Variants in SNPH observed in about 807,000 individuals in gnomAD.
SNPH encodes the protein syntaphilin.
In SNPH, 10 loss-of-function variants were observed where a neutral mutation model predicts 36.8. The ratio of observed to expected loss-of-function variants is 0.27; its 90% CI spans 0.17 to 0.46. SNPH has a LOEUF of 0.46. Among genes scored for constraint, SNPH ranks in the 20% least tolerant of loss-of-function variants. The pLI is 1.00. For synonymous variants in SNPH, 281 were observed against 312.2 expected, an observed-to-expected ratio of 0.90 and a Z score of 1.05; for missense variants, 622 against 744.0, an observed-to-expected ratio of 0.84 and a Z score of 1.91.
chr20:1,301,425 CCTATTGTGAGCTGG>C (rs2088508385), intron 6 of SNPH, among the ~76,000 whole-genome samples: 1 of 152,182 alleles, frequency 6.6e-6, no homozygotes, highest in South Asian at 2.1e-4. Context: ...AAACATGCAG[CCTATTGTGAGCTGG>C]CCAAGGTGCT....
Position 1,266,617 on chromosome 20 carries a change from A to G in SNPH, c.-599-37A>G. On this transcript the variant is annotated intron_variant, in intron 1 of 6. Transcript: ENST00000381867. This position sits in a 1 kb window ranked among gnomAD's most constrained non-coding sequence, Gnocchi z 6.0. ...GCCTGGGTGTTCCCCGCCCGCGCTC[A>G]CCCGCCCCGGTCTATCTCTTTTTCC... is the stretch of plus-strand genomic sequence containing the variant. 1 of 1,457,786 alleles carries G rather than the reference A, an allele frequency of 6.9e-7. No individual in the cohort carries two copies. The highest frequency in any genetic ancestry group is 9.0e-7 in the Non-Finnish European group (1 of 1,108,470). The allele number at this position is 1,457,786 out of a possible 1,614,324, so 90.3% of individuals were successfully genotyped here. A position where few individuals can be genotyped will look rare whatever the true frequency, so the allele number is the denominator to read the frequency against.
At chr20:1,300,410 T>TG in intron 5 of SNPH, 152 bp from the exon 6 acceptor site, 1 of 743,132 alleles carries the variant, frequency 1.3e-6, no homozygotes, top group Non-Finnish European at 2.2e-6. Context: ...TCCAGAAGGC[T>TG]GGGGGTTCTC....
rs79272903 is a variant in SNPH, at chr20:1,280,798, A to G, written c.-493+14038A>G. On this transcript the variant is annotated intron_variant, in intron 2 of 6. Coordinates refer to ENST00000381867, the MANE Select transcript of SNPH (RefSeq NM_001318234.2). ...GTCAGGTCATCTGTTTGGCTGCCTG[A>G]CTTCCCTCAGCAGGTGTTTACTAAG... Among the ~76,000 whole-genome samples, 1,107 of 152,270 alleles carry G rather than the reference A, an allele frequency of 7.3e-3. 13 individuals are homozygous for G. Among genetic ancestry groups the G allele is most frequent in the Non-Finnish European group, 9.4e-3 (638 of 68,018 alleles).
chr20:1,288,237 G>C (rs571164981), intron 2 of SNPH, among the ~76,000 whole-genome samples: 33 of 152,242 alleles, frequency 2.2e-4, no homozygotes, highest in Non-Finnish European at 3.7e-4. Context: ...AGGTAATAGT[G>C]ATAGCAAGAA....
rs980281297 is a variant in SNPH at position 1,307,366 on chromosome 20, T to A, written c.*1312T>A. The stretch of plus-strand genomic sequence containing the variant: ...CCCAAGGCCAGTCGGCCTGGGAAGT[T>A]CACTGCCCCAACTCTTTTCCCGGGA... On this transcript the variant is annotated 3_prime_UTR_variant, in exon 7 of 7. Coordinates refer to ENST00000381867, the MANE Select transcript of SNPH (RefSeq NM_001318234.2). 3 of 152,180 alleles carry A rather than the reference T, an allele frequency of 2.0e-5. No individual in the cohort carries two copies. The highest frequency in any genetic ancestry group is 4.4e-5 in the Non-Finnish European group (3 of 68,032). The allele number at this position is 152,180 out of a possible 1,614,324, so 9.4% of individuals were successfully genotyped here.
rs1156922129 is a variant in SNPH, at chr20:1,296,351, C to A, written c.112C>A (p.Leu38Ile). 1.2e-6 allele frequency: 2 copies of A among 1,601,404 alleles called. No individual in the cohort carries two copies. Among genetic ancestry groups the A allele is most frequent in the Admixed American group, 3.4e-5 (2 of 57,978 alleles). ...SAPGIPPIPP[L>I]TRTHSLMAMS... is the part of the protein sequence containing the mutation. ...CCCCGGGATACCGCCCATCCCACCC[C>A]TTACTCGGACCCACAGCCTCATGGC... Residue 38 changes from leucine to isoleucine, a missense_variant, in exon 4 of 7, where the codon CTT becomes ATT. Transcript: ENST00000381867.
intron 2 of SNPH, among the ~76,000 whole-genome samples, chr20:1,287,957 G>A (rs1369296514): frequency 2.0e-5 from 3 of 152,184 alleles, no homozygotes; most frequent in African/African-American, 7.2e-5. Context: ...CTGCCCCTCC[G>A]TTCCTCACAT....
intron 4 of SNPH, 26 bp from the exon 5 acceptor site, chr20:1,297,119 C>T (rs1371415041): frequency 1.2e-6 from 2 of 1,600,466 alleles, no homozygotes; most frequent in East Asian, 4.5e-5. Context: ...CCAGAACGAG[C>T]ACCTGCCTCT....
chr20:1,281,184 C>T (rs776572897), intron 2 of SNPH, among the ~76,000 whole-genome samples: 1 of 152,164 alleles, frequency 6.6e-6, no homozygotes, highest in Non-Finnish European at 1.5e-5. Context: ...TCTGGGGACC[C>T]TCAAGAGTCT....
In SNPH at chr20:1,305,637, A is replaced by G. The variant is rs1357049889; in HGVS notation, c.1200A>G (p.Ser400=). The G allele has an allele frequency of 6.2e-7, 1 of 1,613,460 alleles. No individual in the cohort carries two copies. The highest frequency in any genetic ancestry group is 1.7e-5 in the Admixed American group (1 of 60,022). The part of the protein sequence containing the change: ...DRCPELDAHP[S]GPRDPNSAVV... Reference sequence around the variant, plus strand: ...GCCCAGAGCTGGATGCCCACCCTTCAGGGCCCAGAGACCCCAACTCAGCAG... The same window carrying G: ...GCCCAGAGCTGGATGCCCACCCTTCGGGGCCCAGAGACCCCAACTCAGCAG... The change falls in exon 7 of 7, where the codon TCA becomes TCG. Residue 400 remains serine (S), a synonymous_variant. Coordinates refer to ENST00000381867, the MANE Select transcript of SNPH (RefSeq NM_001318234.2).
chr20:1,299,449 G>A (rs771941982), intron 5 of SNPH, among the ~76,000 whole-genome samples: 1 of 152,232 alleles, frequency 6.6e-6, no homozygotes, highest in Admixed American at 6.5e-5. Context: ...CAGCAGCCAG[G>A]ACACTGAGAA....
Position 1,307,452 on chromosome 20 carries a change from C to T in SNPH, c.*1398C>T, listed in dbSNP as rs1278139976. Reference sequence around the variant, plus strand: ...CCATTATTATTTTACCAAGTAAACTCACTCCTTTTCCCCCACAGGGGTTAC... The same window carrying T: ...CCATTATTATTTTACCAAGTAAACTTACTCCTTTTCCCCCACAGGGGTTAC... On this transcript the variant is annotated 3_prime_UTR_variant, in exon 7 of 7. Transcript: ENST00000381867. 6.6e-6 allele frequency: 1 copy of T among 152,318 alleles called. No homozygotes were observed. Among genetic ancestry groups the T allele is most frequent in the Non-Finnish European group, 1.5e-5 (1 of 68,092 alleles). The allele number at this position is 152,318 out of a possible 1,614,324, so 9.4% of individuals were successfully genotyped here.
At position 1,305,397 on chromosome 20, in the gene SNPH, G is replaced by A. The variant is rs113261920; in HGVS notation, c.960G>A (p.Ser320=). ...TGGACTGTGGCACCGAGGAGACCTC[G>A]CTGCACAGCTCCTTCGGCCTGGGCC... ...SGVDCGTEET[S]LHSSFGLGPR... The change falls in exon 7 of 7, where the codon TCG becomes TCA. Residue 320 remains serine (S), a synonymous_variant. Transcript: ENST00000381867. 1.5e-4 allele frequency: 234 copies of A among 1,613,000 alleles called. No individual in the cohort carries two copies. The highest frequency in any genetic ancestry group is 1.8e-4 in the Non-Finnish European group (214 of 1,180,022).
chr20:1,291,735 A>G (rs1054955514), intron 2 of SNPH, among the ~76,000 whole-genome samples: 2 of 152,234 alleles, frequency 1.3e-5, no homozygotes, highest in Non-Finnish European at 2.9e-5. Context: ...CTCGGATTTT[A>G]GGATAGCTTT....
chr20:1,303,520 G>C (rs1183956009), intron 6 of SNPH, among the ~76,000 whole-genome samples: 2 of 152,238 alleles, frequency 1.3e-5, no homozygotes, highest in Non-Finnish European at 2.9e-5. Context: ...GGCAGGAAGG[G>C]TGAAGGCCAA....
At chr20:1,269,590 A>G (rs907563675) in intron 2 of SNPH, among the ~76,000 whole-genome samples, 7 of 152,154 alleles carry the variant, frequency 4.6e-5, no homozygotes, top group African/African-American at 1.7e-4. Context: ...GGAGAAGAAG[A>G]AGCTGTGAAC....
In SNPH at chr20:1,266,345, A is replaced by C. The variant is rs1600240554; in HGVS notation, c.-652A>C. On this transcript the variant is annotated 5_prime_UTR_variant, in exon 1 of 7. Coordinates refer to ENST00000381867, the MANE Select transcript of SNPH (RefSeq NM_001318234.2). The surrounding 1 kb of genome is among the most constrained non-coding windows in gnomAD (Gnocchi z 6.0). Reference sequence around the variant, plus strand: ...TAGCCGCCTCCTGCAGGGGCTCGGGAGAGCAATTCGGCGGCCCCTGCAGGG... The same window carrying C: ...TAGCCGCCTCCTGCAGGGGCTCGGGCGAGCAATTCGGCGGCCCCTGCAGGG... 7 of 204,056 alleles carry C rather than the reference A, an allele frequency of 3.4e-5. No individual in the cohort carries two copies. The highest frequency in any genetic ancestry group is 2.4e-4 in the East Asian group (2 of 8,302). 12.6% of individuals were successfully genotyped at this position (204,056 alleles called of 1,614,324 possible).
At chr20:1,280,729 C>T (rs1215624126) in intron 2 of SNPH, among the ~76,000 whole-genome samples, 1 of 152,146 alleles carries the variant, frequency 6.6e-6, no homozygotes, top group African/African-American at 2.4e-5. Context: ...CCTCAGGGGC[C>T]CTCTTCCTGG....
chr20:1,271,287 C>T (rs536321456), intron 2 of SNPH, among the ~76,000 whole-genome samples: 1 of 152,332 alleles, frequency 6.6e-6, no homozygotes, highest in South Asian at 2.1e-4. Context: ...GTGATGATAT[C>T]TAAGAGCCCT....
Sources: allele counts gnomAD v4.1 joint callset (sites outside exome capture counted in the v4.1 genomes callset), GRCh38; gene constraint gnomAD v4.1.1; non-coding constraint Gnocchi (gnomAD v3.1); transcripts MANE v1.5; gene names NCBI Gene and HGNC (gene_info 2026-07-23, HGNC 2026-07-21).